The following AK9 variants were observed in gnomAD, a reference collection of about 807,000 sequenced individuals.
AK9 encodes the protein adenylate kinase domain containing 1.
In AK9, 191 loss-of-function variants were observed where a neutral mutation model predicts 239.6. That is an observed-to-expected ratio of 0.80 (90% CI 0.71 to 0.90). The LOEUF (loss-of-function observed/expected upper bound fraction) is 0.90. AK9 is among the 40% of genes least tolerant of loss of function. AK9 has a pLI of 0.00. For missense variants in AK9, 1,995 were observed against 2,214.7 expected (o/e 0.90, Z 1.99); for synonymous variants, 689 against 721.0 (o/e 0.96, Z 0.71).
intron 38 of AK9, 48 bp from the exon 39 acceptor site, chr6:109,495,488 G>A (rs1318066506): frequency 1.1e-5 from 16 of 1,394,592 alleles, no homozygotes; most frequent in Admixed American, 5.5e-5. Flanking sequence ...TATACTCAGT[G>A]TGTATAGATA....
In AK9 at chr6:109,542,161, A is replaced by C; in HGVS notation, c.3236T>G (p.Val1079Gly). 1.9e-6 allele frequency: 3 copies of C among 1,591,032 alleles called. No individual in the cohort carries two copies. The South Asian group carries it at 3.5e-5, about 18-fold the overall frequency. Residue 1079 changes from valine to glycine, a missense_variant, in exon 27 of 41, where the codon GTA (valine) becomes GGA (glycine). Physicochemically the swap from Val to Gly is moderately radical, Grantham distance 109. Coordinates refer to ENST00000424296, the MANE Select transcript of AK9 (RefSeq NM_001145128.3). Reference sequence around the variant, plus strand: ...TACTTCTTCTTCTTCTGTAAGTTGTACTTCTGGAAGCTAAAAACAAAAATC... The same window carrying C: ...TACTTCTTCTTCTTCTGTAAGTTGTCCTTCTGGAAGCTAAAAACAAAAATC... ...EENTKKQLPE[V>G]QLTEEEEVIK...
At chr6:109,573,932 T>C (rs926122168) in intron 20 of AK9, among the ~76,000 whole-genome samples, 2 of 152,156 alleles carry the variant, frequency 1.3e-5, no homozygotes, top group African/African-American at 4.8e-5. Flanking sequence ...TTCAATATAG[T>C]AGCCACTAGC....
chr6:109,664,578 C>T (rs1321985237), intron 5 of AK9, among the ~76,000 whole-genome samples: 2 of 151,956 alleles, frequency 1.3e-5, no homozygotes, highest in African/African-American at 4.8e-5. Context: ...GCGCATGCTA[C>T]CACGCCCGGC....
At chr6:109,683,942 A>T (rs975597370) in intron 1 of AK9, among the ~76,000 whole-genome samples, 1 of 152,230 alleles carries the variant, frequency 6.6e-6, no homozygotes, top group Non-Finnish European at 1.5e-5. Flanking sequence ...CATAGCCAAG[A>T]CAATCCTAAG....
intron 20 of AK9, among the ~76,000 whole-genome samples, chr6:109,576,230 A>G (rs564682075): frequency 6.6e-6 from 1 of 151,524 alleles, no homozygotes; most frequent in East Asian, 1.9e-4. Flanking sequence ...TTTTGATGGG[A>G]ATTGCATTGG....
At chr6:109,551,517 CAAA>C (rs34978650) in intron 24 of AK9, among the ~76,000 whole-genome samples, 3 of 123,794 alleles carry the variant, frequency 2.4e-5, no homozygotes, top group Non-Finnish European at 1.7e-5. Context: ...GACTCCATCT[CAAA>C]AAAAAAAAAA....
Position 109,616,619 on chromosome 6 carries a change from G to A in AK9, c.1400-2139C>T, listed in dbSNP as rs78037741. 4.4e-3 allele frequency among the ~76,000 whole-genome samples: 673 copies of A among 151,872 alleles called. 9 individuals carry two copies. The highest frequency in any genetic ancestry group is 0.016 in the African/African-American group (649 of 41,426). On this transcript the variant is annotated intron_variant, in intron 13 of 40. Transcript: ENST00000424296. ...CTTGAACTCTTAGCCTCAAGAGATCGTCCCACTTTGGCTTCGCAGAGCATT... is the reference window on the plus strand; with the variant it reads ...CTTGAACTCTTAGCCTCAAGAGATCATCCCACTTTGGCTTCGCAGAGCATT...
chr6:109,533,580 A>G, intron 27 of AK9, 110 bp from the exon 28 acceptor site: 1 of 773,154 alleles, frequency 1.3e-6, no homozygotes, highest in East Asian at 3.0e-5. Flanking sequence ...TCATCATTAC[A>G]CCTTGAATAT....
At chr6:109,654,466 G>C (rs1799404377) in intron 8 of AK9, among the ~76,000 whole-genome samples, 2 of 151,918 alleles carry the variant, frequency 1.3e-5, no homozygotes, top group Admixed American at 1.3e-4. Context: ...CAAGTAGCTG[G>C]GATTACAGGT....
chr6:109,669,914 G>T (rs150843891), intron 5 of AK9, among the ~76,000 whole-genome samples: 3 of 152,170 alleles, frequency 2.0e-5, no homozygotes, highest in African/African-American at 7.2e-5. Context: ...TGCCTAGAAC[G>T]TGGCCTTGTA....
chr6:109,656,700 C>T, intron 8 of AK9, 56 bp downstream of exon 8: 1 of 1,498,888 alleles, frequency 6.7e-7, no homozygotes, highest in South Asian at 1.2e-5. Flanking sequence ...AGCTACTTAA[C>T]CAGTGATGAA....
chr6:109,611,561 G>A (rs921942170), intron 16 of AK9, among the ~76,000 whole-genome samples: 1 of 151,176 alleles, frequency 6.6e-6, no homozygotes, highest in African/African-American at 2.5e-5. Flanking sequence ...TTGTGTGTGT[G>A]TGTGCACATG....
In AK9 at chr6:109,672,098, A is replaced by T; in HGVS notation, c.234+17T>A. 6.2e-7 allele frequency: 1 copy of T among 1,613,314 alleles called. No individual in the cohort carries two copies. The highest frequency in any genetic ancestry group is 8.5e-7 in the Non-Finnish European group (1 of 1,179,604). On this transcript the variant is annotated intron_variant, in intron 4 of 40. Coordinates refer to ENST00000424296, the MANE Select transcript of AK9 (RefSeq NM_001145128.3). ...TTTTTTGTAATCATAGTTACTTTGA[A>T]ATTTAGGTTTGTTTACCATAACTCC...
chr6:109,597,021 A>G (rs780727635), intron 17 of AK9, among the ~76,000 whole-genome samples: 1 of 152,132 alleles, frequency 6.6e-6, no homozygotes, highest in Non-Finnish European at 1.5e-5. Context: ...TTGTAATTTT[A>G]TTATAACACT....
chr6:109,522,262 C>G (rs1779948692), intron 29 of AK9, among the ~76,000 whole-genome samples: 1 of 152,002 alleles, frequency 6.6e-6, no homozygotes, highest in Non-Finnish European at 1.5e-5. Context: ...ATGCACATTT[C>G]TTTTTATTTA....
At chr6:109,534,307 T>A (rs1022205254) in intron 27 of AK9, among the ~76,000 whole-genome samples, 1 of 149,498 alleles carries the variant, frequency 6.7e-6, no homozygotes, top group Admixed American at 6.6e-5. Flanking sequence ...TTTTATTTTA[T>A]TTATTTTAAT....
intron 12 of AK9, chr6:109,631,835 TATC>T (rs1796113590): frequency 6.6e-6 from 1 of 152,176 alleles, no homozygotes; most frequent in African/African-American, 2.4e-5. Context: ...TCTGGACAAA[TATC>T]ATAATTATAA....
chr6:109,592,465 G>C (rs79485540), intron 17 of AK9, among the ~76,000 whole-genome samples: 1 of 31,118 alleles, frequency 3.2e-5, no homozygotes. Context: ...TTTTTTTTTT[G>C]AGACGGAGTC....
Position 109,503,224 on chromosome 6 carries a change from T to C in AK9, c.4849+3103A>G, listed in dbSNP as rs1476784377. On this transcript the variant is annotated intron_variant, in intron 35 of 40. Coordinates refer to ENST00000424296, the MANE Select transcript of AK9 (RefSeq NM_001145128.3). ...TATAGTATTATAATACAAAGTATTATATTATACTACATGGTGCTATAGTAT... is the reference window on the plus strand; with the variant it reads ...TATAGTATTATAATACAAAGTATTACATTATACTACATGGTGCTATAGTAT... Among the ~76,000 whole-genome samples, 4 of 151,606 alleles carry C rather than the reference T, an allele frequency of 2.6e-5. No individual in the cohort carries two copies. In the South Asian group the frequency reaches 6.2e-4, roughly 24 times the overall value.
Sources: allele counts gnomAD v4.1 joint callset (sites outside exome capture counted in the v4.1 genomes callset), GRCh38; gene constraint gnomAD v4.1.1; transcripts MANE v1.5; gene names NCBI Gene and HGNC (gene_info 2026-07-23, HGNC 2026-07-21).